Variants in TENM2 observed in about 807,000 individuals in gnomAD.
TENM2 encodes the protein teneurin-2.
Under a neutral mutation model 245.2 loss-of-function variants are expected in TENM2, and 52 were observed. The observed-to-expected ratio is 0.21, with a 90% CI of 0.17 to 0.27. The LOEUF (loss-of-function observed/expected upper bound fraction) is 0.27, where lower values mean the gene tolerates loss of function less well. TENM2 is among the 10% of genes least tolerant of loss of function. TENM2 has a pLI of 1.00. For synonymous variants in TENM2, 1,363 were observed against 1,438.9 expected, an observed-to-expected ratio of 0.95 and a Z score of 1.19; for missense variants, 3,046 against 3,666.8, an observed-to-expected ratio of 0.83 and a Z score of 4.37.
chr5:167,414,600 CTCTA>C (rs1378007659), intron 2 of TENM2, among the ~76,000 whole-genome samples: 1 of 152,016 alleles, frequency 6.6e-6, no homozygotes, highest in Non-Finnish European at 1.5e-5. Flanking sequence ...TCTCAGCTTC[CTCTA>C]TCTGATTGTT....
intron 1 of TENM2, among the ~76,000 whole-genome samples, chr5:167,359,676 C>T (rs140182340): frequency 3.3e-5 from 5 of 152,178 alleles, no homozygotes; most frequent in South Asian, 2.1e-4. Flanking sequence ...GCCTAGGTTG[C>T]CTTCCAGGGA....
chr5:167,562,362 A>G (rs1330929507), intron 2 of TENM2, among the ~76,000 whole-genome samples: 1 of 152,104 alleles, frequency 6.6e-6, no homozygotes, highest in African/African-American at 2.4e-5. Flanking sequence ...CAATACAATT[A>G]CGGACCCAGA....
At chr5:168,028,490 TTAA>T (rs1786822130) in intron 5 of TENM2, among the ~76,000 whole-genome samples, 1 of 152,048 alleles carries the variant, frequency 6.6e-6, no homozygotes, top group African/African-American at 2.4e-5. Context: ...TCTTCAAGCT[TTAA>T]ACAAGGTGTA....
chr5:167,600,951 G>A (rs529270771), intron 2 of TENM2, among the ~76,000 whole-genome samples: 4 of 152,112 alleles, frequency 2.6e-5, no homozygotes, highest in East Asian at 3.9e-4. Flanking sequence ...ATTTGGCATC[G>A]CCATTTGACA....
chr5:167,343,693 A>T (rs1039923338), intron 1 of TENM2, among the ~76,000 whole-genome samples: 26 of 152,146 alleles, frequency 1.7e-4, no homozygotes, highest in African/African-American at 3.6e-4. Flanking sequence ...TGCATTTTTT[A>T]AAAAAATGAA....
At chr5:167,235,152 C>T in the TENM2 span, among the ~76,000 whole-genome samples, 1 of 152,138 alleles carries the variant, frequency 6.6e-6, no homozygotes, top group African/African-American at 2.4e-5. Flanking sequence ...GGCTTTTTCC[C>T]CTGTCTTCAC....
At chr5:167,157,733 A>T in the TENM2 span, among the ~76,000 whole-genome samples, 7 of 152,232 alleles carry the variant, frequency 4.6e-5, no homozygotes, top group Admixed American at 2.0e-4. Flanking sequence ...TTAAGTGTCC[A>T]GTGTGTTTTA....
At chr5:168,008,497 T>G (rs7733844) in intron 5 of TENM2, among the ~76,000 whole-genome samples, 3,725 of 152,198 alleles carry the variant, frequency 0.024, 144 homozygotes, top group African/African-American at 0.08. Flanking sequence ...GTTGATTGAT[T>G]GAGGATTCAG....
At chr5:168,086,486 G>T (rs745467796) in intron 7 of TENM2, among the ~76,000 whole-genome samples, 2 of 152,310 alleles carry the variant, frequency 1.3e-5, no homozygotes, top group Admixed American at 6.5e-5. Context: ...GAAAAGGAGA[G>T]AACTGGGCGG....
chr5:168,088,488 C>A (rs1007732742), intron 7 of TENM2, among the ~76,000 whole-genome samples: 1 of 152,122 alleles, frequency 6.6e-6, no homozygotes, highest in Non-Finnish European at 1.5e-5. Context: ...AAGCAGCGGC[C>A]GTCACCAGCG....
chr5:167,195,979 G>A, the TENM2 span, among the ~76,000 whole-genome samples: 1 of 151,918 alleles, frequency 6.6e-6, no homozygotes, highest in South Asian at 2.1e-4. Context: ...CATCTTCAAT[G>A]GTTACCATCA....
chr5:167,263,565 T>G, the TENM2 span, among the ~76,000 whole-genome samples: 1 of 152,158 alleles, frequency 6.6e-6, no homozygotes, highest in Non-Finnish European at 1.5e-5. Context: ...CAATTCCCCA[T>G]AAGCTAAAAT....
At chr5:167,585,175 A>T (rs1248397518) in intron 2 of TENM2, among the ~76,000 whole-genome samples, 1 of 152,044 alleles carries the variant, frequency 6.6e-6, no homozygotes, top group African/African-American at 2.4e-5. Flanking sequence ...TCTATTTTCC[A>T]CCCTGAAGTA....
At chr5:167,269,262 T>C in the TENM2 span, among the ~76,000 whole-genome samples, 1 of 152,116 alleles carries the variant, frequency 6.6e-6, no homozygotes, top group Non-Finnish European at 1.5e-5. Context: ...TTTCCCATCA[T>C]TTTTTTGAGA....
chr5:168,238,625 CTAAG>C (rs1765820831), intron 25 of TENM2, among the ~76,000 whole-genome samples: 1 of 152,218 alleles, frequency 6.6e-6, no homozygotes. Flanking sequence ...GCGCCTGGAG[CTAAG>C]TTAGAGTCAC....
Position 167,612,335 on chromosome 5 carries a change from C to G in TENM2, c.502+236862C>G, listed in dbSNP as rs368349600. On this transcript the variant is annotated intron_variant, in intron 2 of 28. Coordinates refer to ENST00000518659, the Ensembl canonical transcript of TENM2. ...ATCAAGACACGCATTTCCATGGAAA[C>G]GAACTCACCCAACCCCCAAAGATAA... Among the ~76,000 whole-genome samples the G allele has an allele frequency of 1.9e-3, 293 of 152,076 alleles. 14 individuals carry two copies. In the South Asian group the frequency reaches 0.059, roughly 31 times the overall value.
chr5:168,015,963 C>T (rs914000778), intron 5 of TENM2, among the ~76,000 whole-genome samples: 3 of 152,118 alleles, frequency 2.0e-5, no homozygotes, highest in Middle Eastern at 3.2e-3. Flanking sequence ...AAGGTTGCAC[C>T]GCTGGAGAGA....
intron 2 of TENM2, among the ~76,000 whole-genome samples, chr5:167,517,016 T>G (rs75648661): frequency 0.051 from 7,791 of 152,314 alleles, 437 homozygotes; most frequent in Admixed American, 0.12. Context: ...TAATGTGAAT[T>G]TTAACCAACT....
chr5:167,869,278 G>A (rs189946036), intron 2 of TENM2, among the ~76,000 whole-genome samples: 1 of 152,338 alleles, frequency 6.6e-6, no homozygotes, highest in East Asian at 1.9e-4. Flanking sequence ...TTGGAGCAGG[G>A]TAGAAAATGA....
Sources: allele counts gnomAD v4.1 joint callset (sites outside exome capture counted in the v4.1 genomes callset), GRCh38; gene constraint gnomAD v4.1.1; transcripts MANE v1.5; gene names NCBI Gene and HGNC (gene_info 2026-07-23, HGNC 2026-07-21).